The following MEGF8 variants were observed in gnomAD, a reference collection of about 807,000 sequenced individuals.
MEGF8 encodes the protein multiple epidermal growth factor-like domains protein 8.
In MEGF8, 156 loss-of-function variants were observed where a neutral mutation model predicts 302.9. The observed-to-expected ratio is 0.52, with a 90% CI of 0.45 to 0.59. The LOEUF is 0.59. MEGF8 is among the 20% of genes least tolerant of loss of function. The pLI is 0.00. For missense variants in MEGF8, 3,345 were observed against 3,964.5 expected, an observed-to-expected ratio of 0.84 and a Z score of 4.20; for synonymous variants, 1,621 against 1,660.5, an observed-to-expected ratio of 0.98 and a Z score of 0.58.
In MEGF8 at chr19:42,337,220, G is replaced by T; in HGVS notation, c.1513+14G>T. The T allele has an allele frequency of 1.2e-6, 2 of 1,613,180 alleles. No individual in the cohort carries two copies. The highest frequency in any genetic ancestry group is 1.7e-6 in the Non-Finnish European group (2 of 1,179,860). On this transcript the variant is annotated intron_variant, in intron 8 of 41. Coordinates refer to ENST00000251268, the MANE Select transcript of MEGF8 (RefSeq NM_001271938.2). ...GAACCCCTGAGGGTGAGTGGTCCCT[G>T]TTCTTCCCTAGGGGCTCCTGAGGGT...
chr19:42,336,263 T>G lies in MEGF8; in HGVS notation c.1161T>G (p.Pro387=). 1 of 1,606,980 alleles carries G rather than the reference T, an allele frequency of 6.2e-7. No homozygotes were observed. The highest frequency in any genetic ancestry group is 8.5e-7 in the Non-Finnish European group (1 of 1,179,726). ...TGATTCCGGCAGGCGGACGGCCCCC[T>G]GCTGCCACTGGCCACTCCATGGTGT... is the stretch of plus-strand genomic sequence containing the variant. ...EQVIPAGGRP[P]AATGHSMVFH... The change falls in exon 6 of 42, where the codon CCT becomes CCG. Residue 387 remains proline, a synonymous_variant. Coordinates refer to ENST00000251268, the MANE Select transcript of MEGF8 (RefSeq NM_001271938.2). This position sits in a 1 kb window ranked among gnomAD's most constrained non-coding sequence, Gnocchi z 4.8.
At chr19:42,330,437 T>A (rs1243974297) in intron 1 of MEGF8, among the ~76,000 whole-genome samples, 2 of 152,148 alleles carry the variant, frequency 1.3e-5, no homozygotes, top group Non-Finnish European at 2.9e-5. Flanking sequence ...CAGAGCTTTA[T>A]AGTTTGGTTG....
chr19:42,353,180 C>A lies in MEGF8; in HGVS notation c.3550+53C>A. 2 of 1,454,778 alleles carry A rather than the reference C, an allele frequency of 1.4e-6. No individual in the cohort carries two copies. The highest frequency in any genetic ancestry group is 1.8e-6 in the Non-Finnish European group (2 of 1,090,044). The allele number at this position is 1,454,778 out of a possible 1,614,324, so 90.1% of individuals were successfully genotyped here. A position where few individuals can be genotyped will look rare whatever the true frequency, so the allele number is the denominator to read the frequency against. ...CTGGACCCAGGGAGCCTCCTCCCTTCTTGGGGCTCCAGTTTGCTCTTCTTG... is the reference window on the plus strand; with the variant it reads ...CTGGACCCAGGGAGCCTCCTCCCTTATTGGGGCTCCAGTTTGCTCTTCTTG... On this transcript the variant is annotated intron_variant, in intron 20 of 41. Coordinates refer to ENST00000251268, the MANE Select transcript of MEGF8 (RefSeq NM_001271938.2). The surrounding 1 kb of genome is among the most constrained non-coding windows in gnomAD (Gnocchi z 6.1).
At position 42,363,192 on chromosome 19, in the gene MEGF8, C is replaced by T; in HGVS notation, c.6203C>T (p.Thr2068Ile). ...PTPCHLLPNC[T>I]SCLDSKGADG... ...CCTTGTCACCTCCTACCCAACTGTA[C>T]CTCCTGCCTGGACTCTAAGGGAGCA... is the stretch of plus-strand genomic sequence containing the variant. The change falls in exon 35 of 42, where the codon ACC becomes ATC. Residue 2068 changes from threonine (T) to isoleucine (I), a missense_variant. Thr to Ile is a moderately conservative substitution (Grantham distance 89, BLOSUM62 -1). Transcript: ENST00000251268. 6.2e-7 allele frequency: 1 copy of T among 1,612,172 alleles called. No homozygotes were observed.
Position 42,351,271 on chromosome 19 carries a change from G to A in MEGF8, c.2792G>A (p.Ser931Asn). The change falls in exon 16 of 42, where the codon AGC becomes AAC. Residue 931 changes from serine to asparagine, a missense_variant. Physicochemically the swap from Ser to Asn is conservative, Grantham distance 46. Transcript: ENST00000251268. The surrounding 1 kb of genome is among the most constrained non-coding windows in gnomAD (Gnocchi z 5.6). ...AGCCGCAAAGGGGACGCGGCATGCA[G>A]CCGGCGGGGCCGGGGTCGGGGTGCC... ...STSRKGDAAC[S>N]RRGRGRGALK... 6.4e-7 allele frequency: 1 copy of A among 1,571,862 alleles called. No homozygotes were observed. Among genetic ancestry groups the A allele is most frequent in the Non-Finnish European group, 8.6e-7 (1 of 1,158,244 alleles).
At chr19:42,337,966 G>C (rs1165243513) in intron 8 of MEGF8, among the ~76,000 whole-genome samples, 1 of 152,018 alleles carries the variant, frequency 6.6e-6, no homozygotes, top group Admixed American at 6.6e-5. Context: ...TCCATGCCTG[G>C]CTAATTTTTT....
Position 42,370,243 on chromosome 19 carries a change from G to A in MEGF8, c.6889G>A (p.Gly2297Arg), listed in dbSNP as rs1160168661. ...PLFVGSAVGG[G>R]TCRPCHAFCR... ...GTTTGTGGGTTCAGCTGTCGGAGGC[G>A]GGACCTGCCGGCCCTGCCACGCCTT... Residue 2297 changes from glycine (G) to arginine (R), a missense_variant, in exon 39 of 42, where the codon GGG (glycine) becomes AGG (arginine). Gly to Arg is a moderately radical substitution (Grantham distance 125). Transcript: ENST00000251268. 1.9e-6 allele frequency: 3 copies of A among 1,613,576 alleles called. No homozygotes were observed. Among genetic ancestry groups the A allele is most frequent in the South Asian group, 1.1e-5 (1 of 91,072 alleles).
Position 42,369,499 on chromosome 19 carries a change from C to T in MEGF8, c.6642-32C>T. On this transcript the variant is annotated intron_variant, in intron 37 of 41. Coordinates refer to ENST00000251268, the MANE Select transcript of MEGF8 (RefSeq NM_001271938.2). The surrounding 1 kb of genome is among the most constrained non-coding windows in gnomAD (Gnocchi z 5.7). ...GCCATGAAGCCACGAGGAGGGTGGCCACCTGCCCTGACCCCCACTTTGCCC... is the reference window on the plus strand; with the variant it reads ...GCCATGAAGCCACGAGGAGGGTGGCTACCTGCCCTGACCCCCACTTTGCCC... 6.3e-7 allele frequency: 1 copy of T among 1,587,432 alleles called. No individual in the cohort carries two copies.
At chr19:42,359,486 GA>G (rs553461974) in intron 31 of MEGF8, among the ~76,000 whole-genome samples, 127 of 149,484 alleles carry the variant, frequency 8.5e-4, no homozygotes, top group African/African-American at 1.7e-3. Context: ...AAATAGGAAA[GA>G]AAAAAAAACA....
intron 32 of MEGF8, among the ~76,000 whole-genome samples, chr19:42,361,613 AAC>A (rs1359419771): frequency 1.3e-5 from 2 of 152,176 alleles, no homozygotes; most frequent in African/African-American, 4.8e-5. Context: ...TAAAATCCAG[AAC>A]AGTCTGAAAC....
rs377090768 is a variant in MEGF8 at position 42,348,313 on chromosome 19, C to A, written c.2139C>A (p.Ser713Arg). 3.3e-6 allele frequency: 5 copies of A among 1,537,454 alleles called. No individual in the cohort carries two copies. The African/African-American group carries it at 5.5e-5, about 17-fold the overall frequency. ...VRSTTITLTP[S>R]AETDVSLVYR... ...GCACGACCATCACCCTAACACCCAG[C>A]GCAGAGACAGATGTGTCCCTGGTCT... Residue 713 changes from serine to arginine, a missense_variant, in exon 13 of 42, where the codon AGC (serine) becomes AGA (arginine). Transcript: ENST00000251268.
chr19:42,364,623 A>G (rs1219732072), intron 35 of MEGF8, among the ~76,000 whole-genome samples: 2 of 152,236 alleles, frequency 1.3e-5, no homozygotes, highest in Admixed American at 1.3e-4. Context: ...ATCCAGTGCC[A>G]GGAGCCCTGC....
At chr19:42,338,444 G>A (rs556411947) in intron 8 of MEGF8, among the ~76,000 whole-genome samples, 1 of 152,290 alleles carries the variant, frequency 6.6e-6, no homozygotes, top group African/African-American at 2.4e-5. Flanking sequence ...GTTTTGCCAT[G>A]TTGGCAAGGC....
In MEGF8 at chr19:42,348,320, A is replaced by G. The variant is rs1156709984; in HGVS notation, c.2146A>G (p.Thr716Ala). Residue 716 changes from threonine (T) to alanine (A), a missense_variant, in exon 13 of 42, where the codon ACA becomes GCA. By Grantham distance (58) the Thr-to-Ala change is moderately conservative. Transcript: ENST00000251268. ...TTITLTPSAE[T>A]DVSLVYRGFI... Reference sequence around the variant, plus strand: ...CATCACCCTAACACCCAGCGCAGAGACAGATGTGTCCCTGGTCTACCGTGG... The same window carrying G: ...CATCACCCTAACACCCAGCGCAGAGGCAGATGTGTCCCTGGTCTACCGTGG... 2 of 1,537,406 alleles carry G rather than the reference A, an allele frequency of 1.3e-6. No homozygotes were observed. The highest frequency in any genetic ancestry group is 2.7e-5 in the African/African-American group (2 of 73,032).
At chr19:42,365,146 A>G (rs2039586007) in intron 35 of MEGF8, among the ~76,000 whole-genome samples, 1 of 152,126 alleles carries the variant, frequency 6.6e-6, no homozygotes, top group African/African-American at 2.4e-5. Flanking sequence ...TGGGATCCTA[A>G]TGGTAGTATG....
Position 42,353,604 on chromosome 19 carries a change from C to T in MEGF8, c.3690C>T (p.Leu1230=). Residue 1230 remains leucine, a synonymous_variant, in exon 21 of 42, where the codon CTC becomes CTT. Transcript: ENST00000251268. This position sits in a 1 kb window ranked among gnomAD's most constrained non-coding sequence, Gnocchi z 6.1. The part of the protein sequence containing the change: ...RRGHCDNLSG[L]CFCQDHTEGA... ...GCCACTGCGACAACCTCAGTGGGCT[C>T]TGCTTCTGCCAGGACCACACCGAGG... 1 of 1,591,762 alleles carries T rather than the reference C, an allele frequency of 6.3e-7. No individual in the cohort carries two copies. Among genetic ancestry groups the T allele is most frequent in the Non-Finnish European group, 8.6e-7 (1 of 1,169,298 alleles).
intron 1 of MEGF8, among the ~76,000 whole-genome samples, chr19:42,327,584 G>A (rs1396140557): frequency 6.6e-6 from 1 of 152,198 alleles, no homozygotes. Context: ...GAGGCTGTTT[G>A]TTTTCCTTTT....
intron 12 of MEGF8, among the ~76,000 whole-genome samples, chr19:42,345,753 C>G (rs1477019311): frequency 1.3e-5 from 2 of 152,170 alleles, no homozygotes; most frequent in South Asian, 4.1e-4. Flanking sequence ...CTGGTATGAG[C>G]ACTTGTGTAC....
intron 1 of MEGF8, among the ~76,000 whole-genome samples, chr19:42,328,867 C>T (rs1158662963): frequency 2.0e-5 from 3 of 151,940 alleles, no homozygotes; most frequent in East Asian, 1.9e-4. Flanking sequence ...AAAGAAAAAA[C>T]GTCTCAGACT....
Sources: allele counts gnomAD v4.1 joint callset (sites outside exome capture counted in the v4.1 genomes callset), GRCh38; gene constraint gnomAD v4.1.1; non-coding constraint Gnocchi (gnomAD v3.1); transcripts MANE v1.5; gene names NCBI Gene and HGNC (gene_info 2026-07-23, HGNC 2026-07-21).